Variants in IGSF11 observed in about 807,000 individuals in gnomAD.
The protein encoded by IGSF11 is immunoglobulin superfamily member 11.
A neutral mutation model predicts 41.0 loss-of-function variants in IGSF11; 22 were observed. The observed-to-expected ratio is 0.54, with a 90% confidence interval of 0.38 to 0.77. IGSF11 has a LOEUF of 0.77. Among genes scored for constraint, IGSF11 ranks in the 30% least tolerant of loss-of-function variants. IGSF11 has a pLI of 0.00. For missense variants in IGSF11, 444 were observed against 530.8 expected, an observed-to-expected ratio of 0.84 and a Z score of 1.61; for synonymous variants, 219 against 201.3, an observed-to-expected ratio of 1.09 and a Z score of -0.74.
intron 1 of IGSF11, among the ~76,000 whole-genome samples, chr3:118,939,511 G>T (rs1943520194): frequency 6.6e-6 from 1 of 151,844 alleles, no homozygotes. Flanking sequence ...AGGAGGCAAA[G>T]GTTGCAGTGA....
At chr3:119,020,920 G>A (rs1172740853) in intron 1 of IGSF11, among the ~76,000 whole-genome samples, 2 of 152,136 alleles carry the variant, frequency 1.3e-5, no homozygotes, top group African/African-American at 2.4e-5. Flanking sequence ...AGTTATGTAA[G>A]TATAAAGTTA....
intron 1 of IGSF11, among the ~76,000 whole-genome samples, chr3:119,018,350 G>T (rs185465789): frequency 1.3e-3 from 198 of 152,242 alleles, no homozygotes; most frequent in Middle Eastern, 3.4e-3. Context: ...AATGTTTAGG[G>T]TTCTAAAGGT....
At chr3:119,016,334 C>T (rs2107703899) in intron 1 of IGSF11, among the ~76,000 whole-genome samples, 1 of 152,210 alleles carries the variant, frequency 6.6e-6, no homozygotes, top group South Asian at 2.1e-4. Flanking sequence ...TATGTCGATT[C>T]CAGCAAATAA....
At chr3:119,070,342 A>C (rs1462770536) in intron 1 of IGSF11, among the ~76,000 whole-genome samples, 1 of 152,240 alleles carries the variant, frequency 6.6e-6, no homozygotes, top group Non-Finnish European at 1.5e-5. Context: ...CTATGTCTGA[A>C]ATAATGTATT....
At chr3:119,055,889 T>C (rs1271345870) in intron 1 of IGSF11, among the ~76,000 whole-genome samples, 1 of 152,014 alleles carries the variant, frequency 6.6e-6, no homozygotes, top group Admixed American at 6.6e-5. Context: ...CATAACGAAA[T>C]GAAGTCAGAA....
At chr3:118,994,479 A>T (rs777733214) in intron 1 of IGSF11, among the ~76,000 whole-genome samples, 5 of 152,176 alleles carry the variant, frequency 3.3e-5, no homozygotes, top group Non-Finnish European at 5.9e-5. Flanking sequence ...CAACATAGTA[A>T]GTCCTCATCT....
intron 1 of IGSF11, among the ~76,000 whole-genome samples, chr3:118,956,646 C>A (rs1224212205): frequency 6.6e-6 from 1 of 152,086 alleles, no homozygotes; most frequent in African/African-American, 2.4e-5. Context: ...GTTTATGGCA[C>A]CCCGAAACAA....
intron 1 of IGSF11, chr3:118,947,242 G>A (rs959425083): frequency 6.6e-6 from 1 of 152,114 alleles, no homozygotes; most frequent in African/African-American, 2.4e-5. Flanking sequence ...TTGTGACAAC[G>A]ATATGACTAG....
At chr3:119,114,520 T>C (rs939124251) in intron 1 of IGSF11, among the ~76,000 whole-genome samples, 1 of 152,198 alleles carries the variant, frequency 6.6e-6, no homozygotes, top group South Asian at 2.1e-4. Flanking sequence ...TGATAACACA[T>C]AACAAAAGTG....
chr3:119,037,465 C>T (rs1250775709), upstream of IGSF11, among the ~76,000 whole-genome samples: 1 of 152,176 alleles, frequency 6.6e-6, no homozygotes, highest in Non-Finnish European at 1.5e-5. Flanking sequence ...CACACCCAGA[C>T]ACCACCTGAG....
chr3:119,128,825 A>G (rs1291615658), intron 1 of IGSF11, among the ~76,000 whole-genome samples: 1 of 152,204 alleles, frequency 6.6e-6, no homozygotes, highest in African/African-American at 2.4e-5. Flanking sequence ...TGTATTCCCA[A>G]AGGAATATAA....
At chr3:119,078,012 A>T (rs983435873) in intron 1 of IGSF11, among the ~76,000 whole-genome samples, 4 of 152,214 alleles carry the variant, frequency 2.6e-5, no homozygotes, top group Non-Finnish European at 2.9e-5. Flanking sequence ...GCTGAAAGAA[A>T]TCAGCAATGG....
intron 1 of IGSF11, among the ~76,000 whole-genome samples, chr3:119,053,608 G>T (rs1440271108): frequency 6.6e-6 from 1 of 152,026 alleles, no homozygotes; most frequent in African/African-American, 2.4e-5. Flanking sequence ...AATCTATAAA[G>T]TCAATGCAAT....
intron 6 of IGSF11, 137 bp from the exon 7 acceptor site, chr3:118,903,098 G>T: frequency 1.3e-6 from 1 of 767,878 alleles, no homozygotes; most frequent in Non-Finnish European, 2.0e-6. Context: ...TATCGTGAAA[G>T]CAGGCATGGC....
At chr3:119,083,526 ACACACACACAAAC>A (rs1559857709) in intron 1 of IGSF11, among the ~76,000 whole-genome samples, 1 of 122,152 alleles carries the variant, frequency 8.2e-6, no homozygotes, top group African/African-American at 3.1e-5. Flanking sequence ...ACACACACAC[ACACACACACAAAC>A]ACACACACAC....
chr3:118,912,490 C>G (rs912027793), intron 4 of IGSF11, among the ~76,000 whole-genome samples: 24 of 152,304 alleles, frequency 1.6e-4, no homozygotes, highest in African/African-American at 5.8e-4. Context: ...CTCACCAGTA[C>G]AGGGCCCAGC....
chr3:118,950,058 C>T (rs916367105), intron 1 of IGSF11, among the ~76,000 whole-genome samples: 3 of 152,070 alleles, frequency 2.0e-5, no homozygotes, highest in Admixed American at 6.5e-5. Context: ...AAGAATTATC[C>T]CTAATATTTA....
intron 1 of IGSF11, among the ~76,000 whole-genome samples, chr3:119,081,202 C>T (rs1300553198): frequency 1.3e-5 from 2 of 151,868 alleles, no homozygotes; most frequent in African/African-American, 4.8e-5. Flanking sequence ...TCCCATTTTT[C>T]GTCTGTTTCT....
chr3:119,124,564 C>A (rs1273828140), intron 1 of IGSF11, among the ~76,000 whole-genome samples: 1 of 150,688 alleles, frequency 6.6e-6, no homozygotes, highest in Non-Finnish European at 1.5e-5. Context: ...ATAAATCAAG[C>A]AGAAGAATGA....
Sources: gnomAD v4.1 joint callset for allele counts (sites outside exome capture counted in the v4.1 genomes callset) on GRCh38, gnomAD v4.1.1 for gene constraint, MANE v1.5 for transcripts, NCBI Gene and HGNC (gene_info 2026-07-23, HGNC 2026-07-21) for gene names.